Variants in ABCA13 observed in about 807,000 individuals in gnomAD.
ABCA13 encodes ATP binding cassette subfamily A member 13, also known as ATP-binding cassette sub-family A member 13.
Under a neutral mutation model 478.7 loss-of-function variants are expected in ABCA13, and 476 were observed. The ratio of observed to expected loss-of-function variants is 0.99; its 90% CI spans 0.92 to 1.07. The LOEUF (loss-of-function observed/expected upper bound fraction) is 1.07. Among genes scored for constraint, ABCA13 ranks in the 50% least tolerant of loss-of-function variants. The pLI, the probability that ABCA13 is intolerant of heterozygous loss-of-function variation, is 0.00. For synonymous variants in ABCA13, 2,252 were observed against 2,158.9 expected, an observed-to-expected ratio of 1.04 and a Z score of -1.20; for missense variants, 6,060 against 5,910.6, an observed-to-expected ratio of 1.03 and a Z score of -0.83.
rs1035629990 is a variant in ABCA13, at chr7:48,646,605, C to T, written c.*1093C>T. The stretch of plus-strand genomic sequence containing the variant: ...CGCGATGTCGGCTCACTGCAAGCTC[C>T]GCCTCCTGGGTTCACGCCATTCTCC... On this transcript the variant is annotated 3_prime_UTR_variant, in exon 62 of 62. Coordinates refer to ENST00000435803, the MANE Select transcript of ABCA13 (RefSeq NM_152701.5). 7.9e-5 allele frequency: 12 copies of T among 152,090 alleles called. 1 individual carries two copies. The highest frequency in any genetic ancestry group is 2.9e-4 in the African/African-American group (12 of 41,456). The allele number at this position is 152,090 out of a possible 1,614,324, so 9.4% of individuals were successfully genotyped here. A position where few individuals can be genotyped will look rare whatever the true frequency, so the allele number is the denominator to read the frequency against.
intron 59 of ABCA13, among the ~76,000 whole-genome samples, chr7:48,617,013 G>T (rs1792648571): frequency 6.6e-6 from 1 of 152,116 alleles, no homozygotes; most frequent in South Asian, 2.1e-4. Context: ...CAGCCTGCGT[G>T]ACAGAGTCAG....
At position 48,587,251 on chromosome 7, in the gene ABCA13, C is replaced by T; in HGVS notation, c.14603C>T (p.Ala4868Val). Residue 4868 changes from alanine (A) to valine (V), a missense_variant, in exon 57 of 62, where the codon GCC becomes GTC. Physicochemically the swap from Ala to Val is moderately conservative, Grantham distance 64. This residue lies in a region of ABCA13 where 1,627 missense variants were observed against 1,571.0 expected (regional missense o/e 1.04). Coordinates refer to ENST00000435803, the MANE Select transcript of ABCA13 (RefSeq NM_152701.5). Reference sequence around the variant, plus strand: ...GGAACCAAGCGGAAACTCTCTACAGCCCTGGCCCTGGTGGGGAAACCTGAC... The same window carrying T: ...GGAACCAAGCGGAAACTCTCTACAGTCCTGGCCCTGGTGGGGAAACCTGAC... The part of the protein sequence containing the change: ...SGGTKRKLST[A>V]LALVGKPDIL... 1 of 1,611,222 alleles carries T rather than the reference C, an allele frequency of 6.2e-7. No homozygotes were observed. The highest frequency in any genetic ancestry group is 8.5e-7 in the Non-Finnish European group (1 of 1,178,690).
chr7:48,386,343 A>C (rs1176500070), intron 35 of ABCA13, among the ~76,000 whole-genome samples: 2 of 152,254 alleles, frequency 1.3e-5, no homozygotes, highest in African/African-American at 4.8e-5. Context: ...TGCTATTCTC[A>C]TTAAACTACC....
chr7:48,545,822 TGA>T (rs1482905175), intron 55 of ABCA13, among the ~76,000 whole-genome samples: 4 of 113,022 alleles, frequency 3.5e-5, no homozygotes, highest in African/African-American at 1.6e-4. Context: ...TAAAAACAAA[TGA>T]TGTACTGCTA....
In ABCA13 at chr7:48,335,447, A is replaced by G. The variant is rs760898942; in HGVS notation, c.10025A>G (p.Asp3342Gly). The G allele has an allele frequency of 6.2e-7, 1 of 1,612,510 alleles. No individual in the cohort carries two copies. Residue 3342 changes from aspartate to glycine, a missense_variant, in exon 28 of 62, where the codon GAC becomes GGC. Asp to Gly is a moderately conservative substitution (Grantham distance 94). Coordinates refer to ENST00000435803, the MANE Select transcript of ABCA13 (RefSeq NM_152701.5). Reference protein sequence around the residue: ...QKANYTFYIVDKLKTLSETLL... With the variant: ...QKANYTFYIVGKLKTLSETLL... ...GCTAATTACACCTTTTATATTGTGG[A>G]CAAACTAAAAACTTTATCAGAAACA...
In ABCA13 at chr7:48,279,640, A is replaced by C. The variant is rs1442497252; in HGVS notation, c.8446A>C (p.Ile2816Leu). 2.5e-6 allele frequency: 4 copies of C among 1,613,058 alleles called. No homozygotes were observed. The highest frequency in any genetic ancestry group is 2.5e-6 in the Non-Finnish European group (3 of 1,179,550). ...NITHHQLEKA[I>L]HNVLSRIALW... is the part of the protein sequence containing the mutation. ...AACTCATCATCAACTTGAAAAAGCA[A>C]TCCATAATGTTTTAAGTAGAATAGC... Residue 2816 changes from isoleucine to leucine, a missense_variant, in exon 18 of 62, where the codon ATC becomes CTC. Around this residue, in one of 3 missense-constraint regions of ABCA13, gnomAD observed 4,423 missense variants for 4,309.1 expected, o/e 1.03. Coordinates refer to ENST00000435803, the MANE Select transcript of ABCA13 (RefSeq NM_152701.5).
At chr7:48,436,016 G>T (rs1185794476) in intron 42 of ABCA13, among the ~76,000 whole-genome samples, 6 of 147,644 alleles carry the variant, frequency 4.1e-5, no homozygotes, top group South Asian at 2.1e-4. Context: ...AACTCATTCT[G>T]TGAGGCTAGC....
chr7:48,251,604 G>A (rs1197595832), intron 15 of ABCA13, among the ~76,000 whole-genome samples: 1 of 151,984 alleles, frequency 6.6e-6, no homozygotes, highest in Non-Finnish European at 1.5e-5. Flanking sequence ...GGCTTGCACT[G>A]TCACAGAAAT....
intron 52 of ABCA13, among the ~76,000 whole-genome samples, chr7:48,518,901 C>T (rs1030437306): frequency 6.6e-6 from 1 of 152,070 alleles, no homozygotes; most frequent in Non-Finnish European, 1.5e-5. Context: ...CTGCACCTCT[C>T]AACCCATCAC....
chr7:48,367,955 G>A (rs964670025), intron 32 of ABCA13, 47 bp downstream of exon 32: 25 of 1,459,094 alleles, frequency 1.7e-5, no homozygotes, highest in Non-Finnish European at 2.3e-5. Flanking sequence ...AGGGAGGCTG[G>A]GGACTTTGGA....
At chr7:48,545,502 G>A (rs1784741656) in intron 55 of ABCA13, among the ~76,000 whole-genome samples, 1 of 151,428 alleles carries the variant, frequency 6.6e-6, no homozygotes, top group African/African-American at 2.4e-5. Flanking sequence ...ATACCCATGG[G>A]CACTTTTAAG....
intron 55 of ABCA13, among the ~76,000 whole-genome samples, chr7:48,528,624 G>A (rs886923116): frequency 6.6e-6 from 1 of 152,106 alleles, no homozygotes; most frequent in Non-Finnish European, 1.5e-5. Flanking sequence ...GAAGTGCCCA[G>A]CTCCTCTCTG....
At chr7:48,422,846 A>G (rs1820954389) in intron 41 of ABCA13, among the ~76,000 whole-genome samples, 1 of 152,226 alleles carries the variant, frequency 6.6e-6, no homozygotes. Context: ...TCAGAGAGGA[A>G]GAAGGTGATG....
intron 53 of ABCA13, 124 bp downstream of exon 53, chr7:48,520,418 T>C (rs774083621): frequency 5.8e-4 from 641 of 1,111,526 alleles, no homozygotes; most frequent in Non-Finnish European, 6.9e-4. Context: ...ATAGTTCTAA[T>C]GCGTTAAGAT....
At chr7:48,329,572 T>C (rs1445794848) in intron 27 of ABCA13, among the ~76,000 whole-genome samples, 2 of 152,044 alleles carry the variant, frequency 1.3e-5, no homozygotes, top group East Asian at 3.9e-4. Flanking sequence ...CATCCATCCA[T>C]CCATCCATTT....
At chr7:48,555,049 G>A (rs186488294) in intron 55 of ABCA13, among the ~76,000 whole-genome samples, 14 of 151,756 alleles carry the variant, frequency 9.2e-5, no homozygotes, top group Admixed American at 2.6e-4. Context: ...ATAAAGGGAT[G>A]TTGAATTTAC....
At chr7:48,193,462 G>A (rs1278100142) in intron 2 of ABCA13, among the ~76,000 whole-genome samples, 2 of 151,896 alleles carry the variant, frequency 1.3e-5, no homozygotes, top group African/African-American at 2.4e-5. Flanking sequence ...GATGATGATG[G>A]TGAAGATGGT....
chr7:48,471,576 T>G lies in ABCA13; in HGVS notation c.12952T>G (p.Phe4318Val). 2 of 1,564,862 alleles carry G rather than the reference T, an allele frequency of 1.3e-6. No individual in the cohort carries two copies. Among genetic ancestry groups the G allele is most frequent in the Non-Finnish European group, 1.7e-6 (2 of 1,152,558 alleles). Residue 4318 changes from phenylalanine to valine, a missense_variant, in exon 45 of 62, where the codon TTC (phenylalanine) becomes GTC (valine). By Grantham distance (50) the Phe-to-Val change is conservative. Coordinates refer to ENST00000435803, the MANE Select transcript of ABCA13 (RefSeq NM_152701.5). The stretch of plus-strand genomic sequence containing the variant: ...CACAGATCCCTTTTCTCACCCAGAA[T>G]TCCAGGATTCATGTGGCTGCCTGGT... ...WRTDPFSHPEFQDSCGCLKCP... is the reference protein window; with the variant it reads ...WRTDPFSHPEVQDSCGCLKCP...
chr7:48,434,602 G>T (rs905371819), intron 42 of ABCA13, among the ~76,000 whole-genome samples: 4 of 151,906 alleles, frequency 2.6e-5, no homozygotes, highest in African/African-American at 9.7e-5. Flanking sequence ...ATATCCTGAA[G>T]TTTTTTCCTG....
Sources: gnomAD v4.1 joint callset for allele counts (sites outside exome capture counted in the v4.1 genomes callset) on GRCh38, gnomAD v4.1.1 for gene constraint, gnomAD v4.1.1 regional missense constraint, MANE v1.5 for transcripts, NCBI Gene and HGNC (gene_info 2026-07-23, HGNC 2026-07-21) for gene names.